Variants in FRMD3 observed in about 807,000 individuals in gnomAD.
The protein encoded by FRMD3 is FERM domain-containing protein 3.
Under a neutral mutation model 70.2 loss-of-function variants are expected in FRMD3, and 33 were observed. The observed-to-expected ratio is 0.47, with a 90% CI of 0.36 to 0.63. The LOEUF (loss-of-function observed/expected upper bound fraction) is 0.63, where lower values mean the gene tolerates loss of function less well. Among genes scored for constraint, FRMD3 ranks in the 20% least tolerant of loss-of-function variants. The pLI is 0.00. For synonymous variants in FRMD3, 279 were observed against 255.9 expected (o/e 1.09, Z -0.86); for missense variants, 632 against 711.4 (o/e 0.89, Z 1.27).
the FRMD3 span, among the ~76,000 whole-genome samples, chr9:83,560,938 CTGAGA>C: frequency 1.3e-5 from 2 of 152,148 alleles, no homozygotes; most frequent in African/African-American, 4.8e-5. Context: ...CACCTTAGAA[CTGAGA>C]TGAAAGAAAA....
chr9:83,286,044 A>G (rs1468334264), intron 13 of FRMD3, among the ~76,000 whole-genome samples: 1 of 152,214 alleles, frequency 6.6e-6, no homozygotes, highest in African/African-American at 2.4e-5. Flanking sequence ...TCCAGCTGTC[A>G]TATGGCTGAA....
Position 83,528,296 on chromosome 9 carries a change from G to GACACACAC in FRMD3, c.147+9781_147+9788dup, listed in dbSNP as rs35727605. ...TCTTAATATTTTGAATATAAACGCAGACACACACACACACACACACACACG... is the reference window on the plus strand; with the variant it reads ...TCTTAATATTTTGAATATAAACGCAGACACACACACACACACACACACACACACACACG... On this transcript the variant is annotated intron_variant, in intron 1 of 13. Coordinates refer to ENST00000304195, the MANE Select transcript of FRMD3 (RefSeq NM_174938.6). Among the ~76,000 whole-genome samples, 121 of 149,216 alleles carry GACACACAC rather than the reference G, an allele frequency of 8.1e-4. 1 individual carries two copies. The highest frequency in any genetic ancestry group is 2.9e-3 in the African/African-American group (118 of 40,636).
chr9:83,482,345 C>T (rs1828587519), intron 1 of FRMD3, among the ~76,000 whole-genome samples: 1 of 152,188 alleles, frequency 6.6e-6, no homozygotes, highest in African/African-American at 2.4e-5. Context: ...GATTGGTACT[C>T]TAGTCTGTCT....
the FRMD3 span, among the ~76,000 whole-genome samples, chr9:83,570,773 T>G: frequency 2.6e-5 from 4 of 152,146 alleles, no homozygotes; most frequent in Non-Finnish European, 4.4e-5. Context: ...TGAGAACACA[T>G]GAAGAGAGGC....
intron 6 of FRMD3, among the ~76,000 whole-genome samples, chr9:83,329,326 AC>A (rs1454958903): frequency 6.6e-6 from 1 of 152,232 alleles, no homozygotes; most frequent in African/African-American, 2.4e-5. Flanking sequence ...GGGAAATGAT[AC>A]AGGGAGAGAG....
intron 1 of FRMD3, among the ~76,000 whole-genome samples, chr9:83,459,397 T>C (rs923293828): frequency 2.6e-5 from 4 of 152,228 alleles, no homozygotes; most frequent in African/African-American, 9.6e-5. Context: ...GCTCTCAGCC[T>C]CACCCCTAAT....
At chr9:83,546,352 G>A in the FRMD3 span, among the ~76,000 whole-genome samples, 14 of 151,908 alleles carry the variant, frequency 9.2e-5, no homozygotes, top group South Asian at 1.9e-3. Flanking sequence ...GCAAGACTGC[G>A]TCTCAAAAAA....
In FRMD3 at chr9:83,248,519, G is replaced by A. The variant is rs912077466; in HGVS notation, c.1196-3C>T. 1 of 1,544,202 alleles carries A rather than the reference G, an allele frequency of 6.5e-7. No homozygotes were observed. The highest frequency in any genetic ancestry group is 1.4e-5 in the African/African-American group (1 of 71,812). On this transcript the variant is annotated splice_region_variant and splice_polypyrimidine_tract_variant and intron_variant, in intron 13 of 13. Coordinates refer to ENST00000304195, the MANE Select transcript of FRMD3 (RefSeq NM_174938.6). ...CTCCTCTTTAGGCAATGGAACACCT[G>A]TAAAGAGACATTTTTTTTTCTAAAT...
chr9:83,510,626 A>T (rs1288670152), intron 1 of FRMD3, among the ~76,000 whole-genome samples: 1 of 152,232 alleles, frequency 6.6e-6, no homozygotes, highest in Non-Finnish European at 1.5e-5. Flanking sequence ...ATGTCCATCG[A>T]CCAGTGAATG....
At chr9:83,479,710 A>AAGAAAG in intron 1 of FRMD3, among the ~76,000 whole-genome samples, 1 of 85,322 alleles carries the variant, frequency 1.2e-5, no homozygotes, top group Non-Finnish European at 2.3e-5. Flanking sequence ...GAAAGAAAGA[A>AAGAAAG]AGAAAGAAAG....
At chr9:83,292,941 A>C (rs1834502249) in intron 12 of FRMD3, among the ~76,000 whole-genome samples, 1 of 152,200 alleles carries the variant, frequency 6.6e-6, no homozygotes, top group African/African-American at 2.4e-5. Context: ...CACCACGCCC[A>C]GCCACATGAC....
At chr9:83,539,565 T>C (rs562762690), upstream of FRMD3, among the ~76,000 whole-genome samples, 1 of 152,314 alleles carries the variant, frequency 6.6e-6, no homozygotes, top group African/African-American at 2.4e-5. Flanking sequence ...TCCAAAGATA[T>C]GCCCTGTCCT....
chr9:83,440,045 C>A (rs1464717521), intron 1 of FRMD3, among the ~76,000 whole-genome samples: 2 of 152,186 alleles, frequency 1.3e-5, no homozygotes, highest in Non-Finnish European at 2.9e-5. Flanking sequence ...ATAGCCATTA[C>A]AAAAACCAGA....
intron 12 of FRMD3, among the ~76,000 whole-genome samples, chr9:83,291,241 C>T (rs914617451): frequency 2.0e-5 from 3 of 152,226 alleles, no homozygotes; most frequent in African/African-American, 7.2e-5. Flanking sequence ...CTCAAAGTTA[C>T]ACCCTACTCA....
intron 13 of FRMD3, among the ~76,000 whole-genome samples, chr9:83,250,201 C>T (rs1293671139): frequency 6.6e-6 from 1 of 152,034 alleles, no homozygotes; most frequent in African/African-American, 2.4e-5. Flanking sequence ...GCAAAGGAGA[C>T]CCCACCCCGA....
At chr9:83,370,976 C>T (rs1306929519) in intron 3 of FRMD3, among the ~76,000 whole-genome samples, 5 of 152,132 alleles carry the variant, frequency 3.3e-5, no homozygotes, top group Admixed American at 2.6e-4. Flanking sequence ...TGCTCTTAAA[C>T]GCTAAATTTC....
intron 5 of FRMD3, among the ~76,000 whole-genome samples, chr9:83,342,979 C>A (rs1266799514): frequency 1.3e-5 from 2 of 152,160 alleles, no homozygotes; most frequent in African/African-American, 4.8e-5. Flanking sequence ...TTTGCAGAGG[C>A]TCCTGTGAAC....
chr9:83,434,908 C>A lies in FRMD3; in HGVS notation c.148-45200G>T, dbSNP rs373583790. On this transcript the variant is annotated intron_variant, in intron 1 of 13. Transcript: ENST00000304195. ...GTGGCACGATCTCGGCTCACTGCAG[C>A]CTCTGCCTCCTGGGTTCAAGTGATT... Among the ~76,000 whole-genome samples the A allele has an allele frequency of 2.2e-4, 33 of 149,562 alleles. 1 individual carries two copies. Among genetic ancestry groups the A allele is most frequent in the African/African-American group, 7.4e-4 (30 of 40,572 alleles).
At chr9:83,443,827 G>A (rs1827379049) in intron 1 of FRMD3, among the ~76,000 whole-genome samples, 1 of 151,926 alleles carries the variant, frequency 6.6e-6, no homozygotes, top group South Asian at 2.1e-4. Flanking sequence ...TTTAATGATC[G>A]CCATTCCAAC....
Sources: allele counts gnomAD v4.1 joint callset (sites outside exome capture counted in the v4.1 genomes callset), GRCh38; gene constraint gnomAD v4.1.1; transcripts MANE v1.5; gene names NCBI Gene and HGNC (gene_info 2026-07-23, HGNC 2026-07-21).